PDE6A: variants seen among roughly 807,000 people sequenced by gnomAD.
The protein encoded by PDE6A is rod cGMP-specific 3',5'-cyclic phosphodiesterase subunit alpha.
Under a neutral mutation model 106.3 loss-of-function variants are expected in PDE6A, and 84 were observed. That is an observed-to-expected ratio of 0.79 (90% CI 0.66 to 0.95). The LOEUF (loss-of-function observed/expected upper bound fraction) is 0.95. Among genes scored for constraint, PDE6A ranks in the 40% least tolerant of loss-of-function variants. PDE6A has a pLI of 0.00. For missense variants in PDE6A, 1,052 were observed against 1,084.9 expected, an observed-to-expected ratio of 0.97 and a Z score of 0.43; for synonymous variants, 394 against 386.6, an observed-to-expected ratio of 1.02 and a Z score of -0.23.
chr5:149,879,179 C>G (rs538608375), intron 17 of PDE6A, among the ~76,000 whole-genome samples: 20 of 152,262 alleles, frequency 1.3e-4, no homozygotes, highest in African/African-American at 4.6e-4. Flanking sequence ...TCAAGCCACT[C>G]TCCTGCTTCA....
At chr5:149,872,507 A>T (rs1760599977) in intron 17 of PDE6A, among the ~76,000 whole-genome samples, 1 of 152,108 alleles carries the variant, frequency 6.6e-6, no homozygotes, top group South Asian at 2.1e-4. Context: ...ACCATCCCCA[A>T]GGCAAATGTT....
chr5:149,881,973 G>T (rs1203395605), intron 17 of PDE6A, among the ~76,000 whole-genome samples: 1 of 151,652 alleles, frequency 6.6e-6, no homozygotes, highest in Non-Finnish European at 1.5e-5. Context: ...GATTGCTTGA[G>T]CCTGGAAGGT....
chr5:149,910,068 T>C (rs1753327750), intron 6 of PDE6A, among the ~76,000 whole-genome samples: 1 of 152,198 alleles, frequency 6.6e-6, no homozygotes, highest in Admixed American at 6.5e-5. Flanking sequence ...TGTTTTATAT[T>C]TTTTGAGGTC....
intron 13 of PDE6A, 97 bp downstream of exon 13, chr5:149,895,082 TAAAG>T (rs1752685992): frequency 3.8e-6 from 3 of 780,900 alleles, no homozygotes; most frequent in Admixed American, 3.6e-5. Context: ...AGACAATAAA[TAAAG>T]AAAGAAGAAC....
chr5:149,898,305 C>G, intron 10 of PDE6A, 58 bp downstream of exon 10: 1 of 1,566,130 alleles, frequency 6.4e-7, no homozygotes. Flanking sequence ...CTTAATCTGG[C>G]CACATCTCTG....
At chr5:149,913,010 G>A (rs1753433612) in intron 6 of PDE6A, among the ~76,000 whole-genome samples, 3 of 152,200 alleles carry the variant, frequency 2.0e-5, no homozygotes, top group Admixed American at 1.3e-4. Context: ...AGCTAGAAAA[G>A]GGGCTAGAAA....
chr5:149,872,778 A>T (rs1467394665), intron 17 of PDE6A, among the ~76,000 whole-genome samples: 2 of 152,212 alleles, frequency 1.3e-5, no homozygotes, highest in East Asian at 3.8e-4. Context: ...GATGCTCCAC[A>T]AATGCCTGCG....
intron 6 of PDE6A, among the ~76,000 whole-genome samples, chr5:149,912,045 C>T (rs1581194424): frequency 6.6e-6 from 1 of 151,928 alleles, no homozygotes; most frequent in Non-Finnish European, 1.5e-5. Context: ...TATTTGAATT[C>T]GAATTTCACC....
chr5:149,921,290 T>C (rs1250457105), intron 5 of PDE6A, among the ~76,000 whole-genome samples: 1 of 151,228 alleles, frequency 6.6e-6, no homozygotes, highest in Non-Finnish European at 1.5e-5. Flanking sequence ...GTATAGTGCT[T>C]AGAAAGAAAG....
At position 149,900,029 on chromosome 5, in the gene PDE6A, G is replaced by A. The variant is rs557169085; in HGVS notation, c.1114-505C>T. Among the ~76,000 whole-genome samples the A allele has an allele frequency of 2.0e-4, 30 of 152,004 alleles. 1 individual carries two copies. Among genetic ancestry groups the A allele is most frequent in the South Asian group, 1.2e-3 (6 of 4,810 alleles). On this transcript the variant is annotated intron_variant, in intron 8 of 21. Coordinates refer to ENST00000255266, the MANE Select transcript of PDE6A (RefSeq NM_000440.3). ...GAATGGAAAGAATCTGTGCCTCACT[G>A]AACAAATGAAGTTCTTGATCAATTA... is the stretch of plus-strand genomic sequence containing the variant.
At chr5:149,914,385 T>C (rs1753487412) in intron 6 of PDE6A, among the ~76,000 whole-genome samples, 4 of 152,210 alleles carry the variant, frequency 2.6e-5, no homozygotes, top group Admixed American at 2.6e-4. Context: ...GTTGATAATG[T>C]ACCTGCAGTT....
intron 10 of PDE6A, 89 bp downstream of exon 10, chr5:149,898,274 T>C: frequency 8.4e-7 from 1 of 1,188,662 alleles, no homozygotes; most frequent in South Asian, 1.2e-5. Flanking sequence ...GGCTGTGCCC[T>C]CATGGAGTTG....
intron 4 of PDE6A, among the ~76,000 whole-genome samples, chr5:149,927,812 CT>C (rs955942336): frequency 4.0e-5 from 6 of 151,632 alleles, no homozygotes; most frequent in Admixed American, 1.3e-4. Context: ...ATCCTACAAG[CT>C]TTTTTTCTCT....
intron 6 of PDE6A, 65 bp from the exon 7 acceptor site, chr5:149,907,443 C>T: frequency 7.3e-7 from 1 of 1,367,310 alleles, no homozygotes; most frequent in South Asian, 1.2e-5. Flanking sequence ...AGACTAAAAT[C>T]TGGGTGTTTG....
At chr5:149,898,337 A>G in intron 10 of PDE6A, 26 bp downstream of exon 10, 1 of 1,609,886 alleles carries the variant, frequency 6.2e-7, no homozygotes. Flanking sequence ...GTATTAGAGT[A>G]GAAACAAGTA....
chr5:149,900,947 G>A (rs1453314868), intron 8 of PDE6A, among the ~76,000 whole-genome samples: 2 of 152,072 alleles, frequency 1.3e-5, no homozygotes, highest in African/African-American at 2.4e-5. Flanking sequence ...ACGGAGTTTT[G>A]CTCTGTCACC....
chr5:149,886,905 T>A (rs1220637716), intron 13 of PDE6A, among the ~76,000 whole-genome samples: 2 of 152,204 alleles, frequency 1.3e-5, no homozygotes, highest in African/African-American at 4.8e-5. Flanking sequence ...TCTGGAGAGC[T>A]GATGCTGACT....
chr5:149,869,691 A>G (rs1252952104), intron 17 of PDE6A, among the ~76,000 whole-genome samples: 1 of 152,198 alleles, frequency 6.6e-6, no homozygotes, highest in African/African-American at 2.4e-5. Flanking sequence ...GTGCTGCAGG[A>G]AGGCAGCTGG....
At chr5:149,936,847 G>T (rs1417108190) in intron 1 of PDE6A, among the ~76,000 whole-genome samples, 1 of 152,136 alleles carries the variant, frequency 6.6e-6, no homozygotes, top group Non-Finnish European at 1.5e-5. Flanking sequence ...GCTGAGCTAG[G>T]GAAAGACCAA....
Sources: allele counts gnomAD v4.1 joint callset (sites outside exome capture counted in the v4.1 genomes callset), GRCh38; gene constraint gnomAD v4.1.1; transcripts MANE v1.5; gene names NCBI Gene and HGNC (gene_info 2026-07-23, HGNC 2026-07-21).